ARHGAP24: variants seen among roughly 807,000 people sequenced by gnomAD.
ARHGAP24 encodes rho GTPase-activating protein 24.
Under a neutral mutation model 76.4 loss-of-function variants are expected in ARHGAP24, and 50 were observed. The ratio of observed to expected loss-of-function variants is 0.65; its 90% CI spans 0.52 to 0.83. The LOEUF is 0.83. Among genes scored for constraint, ARHGAP24 ranks in the 40% least tolerant of loss-of-function variants. The probability of loss-of-function intolerance (pLI) is 0.00; values close to 1 mark genes in which losing one functional copy is unlikely to be tolerated. For missense variants in ARHGAP24, 930 were observed against 914.2 expected (o/e 1.02, Z -0.22); for synonymous variants, 345 against 323.3 (o/e 1.07, Z -0.72).
chr4:85,667,332 AT>A (rs1435644950), intron 2 of ARHGAP24, among the ~76,000 whole-genome samples: 1 of 152,100 alleles, frequency 6.6e-6, no homozygotes, highest in Non-Finnish European at 1.5e-5. Context: ...CTGGTGCGCC[AT>A]TTTTTAAGCC....
At chr4:85,784,031 G>T (rs1193718346) in intron 3 of ARHGAP24, among the ~76,000 whole-genome samples, 1 of 151,948 alleles carries the variant, frequency 6.6e-6, no homozygotes, top group Non-Finnish European at 1.5e-5. Flanking sequence ...TATATTTTTT[G>T]TTTCTTCTCC....
At chr4:85,766,706 T>C (rs530933106) in intron 3 of ARHGAP24, among the ~76,000 whole-genome samples, 7 of 152,002 alleles carry the variant, frequency 4.6e-5, no homozygotes, top group Non-Finnish European at 1.0e-4. Context: ...AATATAAAAT[T>C]CCCCTTTTAT....
chr4:85,519,183 T>G (rs1043357409), intron 1 of ARHGAP24, among the ~76,000 whole-genome samples: 1 of 152,208 alleles, frequency 6.6e-6, no homozygotes, highest in African/African-American at 2.4e-5. Context: ...TGTGGCTTCC[T>G]TGATTACAAT....
rs373386640 is a variant in ARHGAP24, at chr4:85,899,648, C to T, written c.269-24000C>T. Among the ~76,000 whole-genome samples, 21 of 152,232 alleles carry T rather than the reference C, an allele frequency of 1.4e-4. No individual in the cohort carries two copies. The South Asian group carries it at 2.1e-3, about 15-fold the overall frequency. On this transcript the variant is annotated intron_variant, in intron 3 of 9. Coordinates refer to ENST00000395184, the MANE Select transcript of ARHGAP24 (RefSeq NM_001025616.3). ...GGTCAACTCCCAAGTAATATTAAACCGAAACCAAACAGTAAATTTGTAAGT... is the reference window on the plus strand; with the variant it reads ...GGTCAACTCCCAAGTAATATTAAACTGAAACCAAACAGTAAATTTGTAAGT...
At chr4:85,864,582 G>A (rs934500131) in intron 3 of ARHGAP24, among the ~76,000 whole-genome samples, 1 of 150,944 alleles carries the variant, frequency 6.6e-6, no homozygotes, top group African/African-American at 2.4e-5. Context: ...ATGATAGACA[G>A]GCAATTATCT....
At chr4:85,594,564 A>T (rs879743627) in intron 2 of ARHGAP24, among the ~76,000 whole-genome samples, 1 of 152,086 alleles carries the variant, frequency 6.6e-6, no homozygotes, top group African/African-American at 2.4e-5. Flanking sequence ...CCTATCTGCC[A>T]TCACAATATT....
At chr4:85,869,115 G>A (rs950122050) in intron 3 of ARHGAP24, among the ~76,000 whole-genome samples, 14 of 151,854 alleles carry the variant, frequency 9.2e-5, no homozygotes, top group Non-Finnish European at 1.5e-4. Flanking sequence ...TATTTCTTCC[G>A]GTGTATCAGT....
At chr4:85,605,653 T>C (rs1051740463) in intron 2 of ARHGAP24, among the ~76,000 whole-genome samples, 1 of 152,206 alleles carries the variant, frequency 6.6e-6, no homozygotes, top group Non-Finnish European at 1.5e-5. Context: ...CTATACATTA[T>C]GTACAGTAAA....
chr4:85,788,385 G>A lies in ARHGAP24; in HGVS notation c.268+66413G>A, dbSNP rs74488576. ...TTTAAACTTAAACCAATCATTTTTA[G>A]CTATCTATTTTGCTATTAAAAATTT... On this transcript the variant is annotated intron_variant, in intron 3 of 9. Coordinates refer to ENST00000395184, the MANE Select transcript of ARHGAP24 (RefSeq NM_001025616.3). Among the ~76,000 whole-genome samples, 705 of 152,126 alleles carry A rather than the reference G, an allele frequency of 4.6e-3. 4 individuals are homozygous for A. The highest frequency in any genetic ancestry group is 0.016 in the African/African-American group (672 of 41,484).
At chr4:85,992,233 T>C in intron 8 of ARHGAP24, 2 of 396,898 alleles carry the variant, frequency 5.0e-6, no homozygotes, top group Non-Finnish European at 8.9e-6. Flanking sequence ...ACATCATCAT[T>C]ACTGCCGAGC....
At chr4:85,622,912 T>C (rs1720776005) in intron 2 of ARHGAP24, among the ~76,000 whole-genome samples, 1 of 152,158 alleles carries the variant, frequency 6.6e-6, no homozygotes, top group Non-Finnish European at 1.5e-5. Flanking sequence ...GAAGTGTCTG[T>C]TCATATCCTT....
chr4:85,911,720 T>G (rs1638385456), intron 3 of ARHGAP24, among the ~76,000 whole-genome samples: 1 of 152,198 alleles, frequency 6.6e-6, no homozygotes, highest in African/African-American at 2.4e-5. Flanking sequence ...CCCTAAATTA[T>G]TCTCATTTGT....
In ARHGAP24 at chr4:85,887,704, T is replaced by A. The variant is rs186404194; in HGVS notation, c.269-35944T>A. The stretch of plus-strand genomic sequence containing the variant: ...TACCTCTGTCATTACCTCTGTTATT[T>A]CAAGTTCCCAAAGCTGATGCTTAGG... On this transcript the variant is annotated intron_variant, in intron 3 of 9. Transcript: ENST00000395184. Among the ~76,000 whole-genome samples the A allele has an allele frequency of 3.3e-5, 5 of 152,314 alleles. No individual in the cohort carries two copies. In the East Asian group the frequency reaches 9.6e-4, roughly 29 times the overall value.
At chr4:85,511,991 T>C (rs1032211466) in intron 1 of ARHGAP24, among the ~76,000 whole-genome samples, 3 of 152,244 alleles carry the variant, frequency 2.0e-5, no homozygotes, top group Non-Finnish European at 4.4e-5. Context: ...CTTCTGCTTA[T>C]GAGGACATCA....
chr4:85,541,420 T>C (rs1374699230), intron 1 of ARHGAP24, among the ~76,000 whole-genome samples: 3 of 151,216 alleles, frequency 2.0e-5, no homozygotes, highest in Non-Finnish European at 4.4e-5. Context: ...CCCAAAGTGC[T>C]GGGATTACAG....
rs1401938722 is a variant in ARHGAP24 at position 86,000,605 on chromosome 4, T to A, written c.2130T>A (p.Asp710Glu). Residue 710 changes from aspartate (D) to glutamate (E), a missense_variant, in exon 10 of 10, where the codon GAT (aspartate) becomes GAA (glutamate). Coordinates refer to ENST00000395184, the MANE Select transcript of ARHGAP24 (RefSeq NM_001025616.3). ...GAAATGCCGAGCGAGCAAAAGAAGA[T>A]GCCGAGAAAAGAAATGACATGCTAC... ...KMRNAERAKE[D>E]AEKRNDMLQK... The A allele has an allele frequency of 8.1e-6, 13 of 1,613,966 alleles. No homozygotes were observed. Among genetic ancestry groups the A allele is most frequent in the Non-Finnish European group, 1.1e-5 (13 of 1,179,964 alleles).
chr4:85,835,678 G>C (rs1451312993), intron 3 of ARHGAP24, among the ~76,000 whole-genome samples: 3 of 151,740 alleles, frequency 2.0e-5, no homozygotes, highest in Non-Finnish European at 4.4e-5. Flanking sequence ...ATAACGATTT[G>C]TATTTTGTTT....
At chr4:85,583,956 G>A (rs1727732421) in intron 2 of ARHGAP24, among the ~76,000 whole-genome samples, 1 of 150,176 alleles carries the variant, frequency 6.7e-6, no homozygotes, top group Non-Finnish European at 1.5e-5. Context: ...GTGCTGGAGA[G>A]GATGTGCAGA....
intron 4 of ARHGAP24, among the ~76,000 whole-genome samples, chr4:85,939,665 A>G (rs1268222406): frequency 2.0e-5 from 3 of 152,204 alleles, no homozygotes; most frequent in African/African-American, 7.2e-5. Context: ...CGTCTAAAGC[A>G]AAACATCCCT....
Sources: gnomAD v4.1 joint callset for allele counts (sites outside exome capture counted in the v4.1 genomes callset) on GRCh38, gnomAD v4.1.1 for gene constraint, MANE v1.5 for transcripts, NCBI Gene and HGNC (gene_info 2026-07-23, HGNC 2026-07-21) for gene names.